Variants in TENM3 observed in about 807,000 individuals in gnomAD.
The protein encoded by TENM3 is teneurin-3.
In TENM3, 63 loss-of-function variants were observed where a neutral mutation model predicts 255.1. That is an observed-to-expected ratio of 0.25 (90% CI 0.20 to 0.30). TENM3 has a LOEUF of 0.30. Among genes scored for constraint, TENM3 ranks in the 10% least tolerant of loss-of-function variants. The pLI is 1.00. For missense variants in TENM3, 2,929 were observed against 3,461.1 expected (o/e 0.85, Z 3.86); for synonymous variants, 1,306 against 1,322.3 (o/e 0.99, Z 0.27).
chr4:181,831,293 C>T, the TENM3 span, among the ~76,000 whole-genome samples: 3 of 152,078 alleles, frequency 2.0e-5, no homozygotes, highest in South Asian at 2.1e-4. Flanking sequence ...TCTTGATTAG[C>T]AGTGTCTCTT....
chr4:182,101,037 C>T, the TENM3 span, among the ~76,000 whole-genome samples: 4 of 52,770 alleles, frequency 7.6e-5, 1 homozygote, highest in South Asian at 3.0e-3. Flanking sequence ...AGAGCGAGAC[C>T]CTGTCTCAAA....
the TENM3 span, among the ~76,000 whole-genome samples, chr4:181,447,631 G>A: frequency 1.3e-5 from 2 of 152,120 alleles, no homozygotes; most frequent in African/African-American, 2.4e-5. Flanking sequence ...CTGCTTCCTC[G>A]GAAGAGCACC....
the TENM3 span, among the ~76,000 whole-genome samples, chr4:181,719,648 C>A: frequency 6.6e-6 from 1 of 152,212 alleles, no homozygotes; most frequent in Non-Finnish European, 1.5e-5. Flanking sequence ...ACATCCTAAT[C>A]CCATCACCTT....
intron 1 of TENM3, among the ~76,000 whole-genome samples, chr4:182,309,353 T>A (rs1762311588): frequency 6.6e-6 from 1 of 152,152 alleles, no homozygotes; most frequent in Non-Finnish European, 1.5e-5. Context: ...GTGTATATGT[T>A]TATTATAGTA....
At chr4:182,018,126 T>TA in the TENM3 span, among the ~76,000 whole-genome samples, 1 of 152,218 alleles carries the variant, frequency 6.6e-6, no homozygotes, top group African/African-American at 2.4e-5. Flanking sequence ...CCAGATAACT[T>TA]ACCGTGTATG....
chr4:182,177,346 A>C (rs1274889431), intron 1 of TENM3, among the ~76,000 whole-genome samples: 2 of 151,960 alleles, frequency 1.3e-5, no homozygotes, highest in Non-Finnish European at 2.9e-5. Context: ...TATCTTACAC[A>C]TTCTTCTGCC....
chr4:182,004,652 T>C, the TENM3 span, among the ~76,000 whole-genome samples: 1 of 152,220 alleles, frequency 6.6e-6, no homozygotes, highest in Non-Finnish European at 1.5e-5. Flanking sequence ...ATCGCCATAC[T>C]GCCTTCCACA....
chr4:181,909,401 G>A, the TENM3 span, among the ~76,000 whole-genome samples: 1 of 152,114 alleles, frequency 6.6e-6, no homozygotes, highest in Non-Finnish European at 1.5e-5. Context: ...CACAGACAAA[G>A]CCCCATACTG....
At chr4:181,545,872 T>A in the TENM3 span, among the ~76,000 whole-genome samples, 1 of 152,222 alleles carries the variant, frequency 6.6e-6, no homozygotes, top group Non-Finnish European at 1.5e-5. Context: ...GTTTTCATGC[T>A]ATTTTTCACG....
chr4:181,735,410 A>G, the TENM3 span, among the ~76,000 whole-genome samples: 3 of 152,236 alleles, frequency 2.0e-5, no homozygotes, highest in African/African-American at 7.2e-5. Context: ...CAAGAAAGTC[A>G]CTACAAATTA....
At chr4:182,521,629 T>G (rs1738584247) in intron 3 of TENM3, among the ~76,000 whole-genome samples, 2 of 152,216 alleles carry the variant, frequency 1.3e-5, no homozygotes, top group South Asian at 4.1e-4. Context: ...GAGAGTCACT[T>G]CTTTGTACTT....
At chr4:182,770,518 A>T (rs114032477) in intron 22 of TENM3, among the ~76,000 whole-genome samples, 5 of 152,206 alleles carry the variant, frequency 3.3e-5, no homozygotes, top group African/African-American at 1.2e-4. Context: ...CTAGTTCACC[A>T]CTAAGGCCAA....
chr4:182,218,587 T>G (rs1755652146), intron 1 of TENM3, among the ~76,000 whole-genome samples: 1 of 152,236 alleles, frequency 6.6e-6, no homozygotes, highest in Admixed American at 6.5e-5. Flanking sequence ...TTGTGATCTT[T>G]ACTGTTCTAT....
At chr4:181,689,944 A>G in the TENM3 span, among the ~76,000 whole-genome samples, 1 of 152,148 alleles carries the variant, frequency 6.6e-6, no homozygotes, top group Non-Finnish European at 1.5e-5. Flanking sequence ...ATTTGCTAGT[A>G]AGAGAAGGGA....
the TENM3 span, among the ~76,000 whole-genome samples, chr4:181,480,716 A>T: frequency 3.4e-4 from 51 of 151,010 alleles, no homozygotes; most frequent in Admixed American, 3.1e-3. Flanking sequence ...TAGATATAAA[A>T]CCACGCATAT....
the TENM3 span, among the ~76,000 whole-genome samples, chr4:182,021,202 G>C: frequency 6.6e-6 from 1 of 152,114 alleles, no homozygotes; most frequent in African/African-American, 2.4e-5. Context: ...TAGAATAATA[G>C]CCTCCAGGGG....
the TENM3 span, among the ~76,000 whole-genome samples, chr4:181,665,999 T>C: frequency 0.055 from 8,427 of 152,256 alleles, 384 homozygotes; most frequent in African/African-American, 0.12. Flanking sequence ...AAGCGTTAAC[T>C]TCTGTAAACT....
At chr4:181,704,151 G>A in the TENM3 span, among the ~76,000 whole-genome samples, 1 of 152,118 alleles carries the variant, frequency 6.6e-6, no homozygotes, top group African/African-American at 2.4e-5. Flanking sequence ...TTGTCACATA[G>A]CCCATCCTCT....
chr4:182,244,411 T>C (rs971387200), intron 1 of TENM3, among the ~76,000 whole-genome samples: 4 of 152,188 alleles, frequency 2.6e-5, no homozygotes, highest in African/African-American at 4.8e-5. Flanking sequence ...CAGCCATACA[T>C]GTTAGAGTGA....
Sources: gnomAD v4.1 joint callset for allele counts (sites outside exome capture counted in the v4.1 genomes callset) on GRCh38, gnomAD v4.1.1 for gene constraint, MANE v1.5 for transcripts, NCBI Gene and HGNC (gene_info 2026-07-23, HGNC 2026-07-21) for gene names.